PPP2R5A: variants seen among roughly 807,000 people sequenced by gnomAD.
The protein encoded by PPP2R5A is serine/threonine-protein phosphatase 2A 56 kDa regulatory subunit alpha isoform.
PPP2R5A carries 25 observed loss-of-function variants against 64.2 expected under a neutral mutation model. That is an observed-to-expected ratio of 0.39 (90% CI 0.28 to 0.54). The LOEUF (loss-of-function observed/expected upper bound fraction) is 0.54. Among genes scored for constraint, PPP2R5A ranks in the 20% least tolerant of loss-of-function variants. The pLI is 0.67. For missense variants in PPP2R5A, 425 were observed against 576.3 expected (o/e 0.74, Z 2.69); for synonymous variants, 198 against 201.2 (o/e 0.98, Z 0.13).
At chr1:212,288,077 C>A (rs1571569543) in intron 1 of PPP2R5A, among the ~76,000 whole-genome samples, 1 of 152,154 alleles carries the variant, frequency 6.6e-6, no homozygotes. Flanking sequence ...AGTGCAATGG[C>A]GCGATCTCAG....
intron 3 of PPP2R5A, among the ~76,000 whole-genome samples, chr1:212,340,084 G>A (rs1302104582): frequency 8.0e-5 from 12 of 150,262 alleles, no homozygotes; most frequent in Admixed American, 8.0e-4. Flanking sequence ...GCTTGAGCCT[G>A]GGAGTTCGAG....
At chr1:212,343,220 T>A (rs2102441459) in intron 4 of PPP2R5A, among the ~76,000 whole-genome samples, 1 of 152,314 alleles carries the variant, frequency 6.6e-6, no homozygotes, top group African/African-American at 2.4e-5. Flanking sequence ...CCTAAAGAGC[T>A]AGGATTACAG....
chr1:212,341,836 TC>T (rs1659691080), intron 3 of PPP2R5A, among the ~76,000 whole-genome samples: 1 of 152,010 alleles, frequency 6.6e-6, no homozygotes, highest in African/African-American at 2.4e-5. Flanking sequence ...ACCTCCAGAC[TC>T]AAGCAGTCTT....
intron 1 of PPP2R5A, among the ~76,000 whole-genome samples, chr1:212,321,363 G>A (rs1246675136): frequency 1.3e-5 from 2 of 151,456 alleles, no homozygotes; most frequent in Non-Finnish European, 3.0e-5. Flanking sequence ...TGGCCGGGCG[G>A]GGGGCTGACC....
intron 3 of PPP2R5A, among the ~76,000 whole-genome samples, chr1:212,338,476 G>A (rs1282008763): frequency 2.0e-5 from 3 of 152,080 alleles, no homozygotes; most frequent in African/African-American, 7.2e-5. Context: ...AAGGCTGGGC[G>A]CAGTGGCTCA....
At chr1:212,326,940 T>A (rs1571596009) in intron 1 of PPP2R5A, among the ~76,000 whole-genome samples, 1 of 152,360 alleles carries the variant, frequency 6.6e-6, no homozygotes, top group East Asian at 1.9e-4. Context: ...GAAAAGAATG[T>A]GCCTTATGTC....
chr1:212,304,379 C>T lies in PPP2R5A; in HGVS notation c.181+18088C>T, dbSNP rs370039803. Among the ~76,000 whole-genome samples, 7 of 152,168 alleles carry T rather than the reference C, an allele frequency of 4.6e-5. No homozygotes were observed. In the East Asian group the frequency reaches 9.7e-4, roughly 21 times the overall value. On this transcript the variant is annotated intron_variant, in intron 1 of 12. Coordinates refer to ENST00000261461, the MANE Select transcript of PPP2R5A (RefSeq NM_006243.4). ...TAGCCTGACCAACGTGGAGAAACCC[C>T]GTCTCTTCTTAAAATACAAAATTAG... is the stretch of plus-strand genomic sequence containing the variant.
chr1:212,312,473 T>C (rs1659057925), intron 1 of PPP2R5A, among the ~76,000 whole-genome samples: 1 of 152,234 alleles, frequency 6.6e-6, no homozygotes, highest in Non-Finnish European at 1.5e-5. Context: ...ACATAACTTC[T>C]ATCAGTTTCC....
intron 4 of PPP2R5A, 58 bp downstream of exon 4, chr1:212,342,338 CTTA>C (rs1046603153): frequency 1.7e-5 from 27 of 1,559,906 alleles, no homozygotes; most frequent in East Asian, 2.3e-5. Context: ...GATTTATTAA[CTTA>C]TTATTAAAAT....
chr1:212,318,876 C>T (rs1335534548), intron 1 of PPP2R5A, among the ~76,000 whole-genome samples: 1 of 152,146 alleles, frequency 6.6e-6, no homozygotes, highest in African/African-American at 2.4e-5. Context: ...AATGCAAATA[C>T]TAGACCATTT....
intron 1 of PPP2R5A, among the ~76,000 whole-genome samples, chr1:212,313,484 A>G (rs1268436077): frequency 8.0e-5 from 12 of 150,826 alleles, no homozygotes; most frequent in Admixed American, 6.6e-4. Context: ...TTTTTTTCCT[A>G]TAGATTTTGG....
intron 3 of PPP2R5A, among the ~76,000 whole-genome samples, chr1:212,334,714 GTCT>G (rs1659561448): frequency 6.6e-6 from 1 of 152,064 alleles, no homozygotes; most frequent in African/African-American, 2.4e-5. Context: ...CATCCCATTT[GTCT>G]TCTTACGTCC....
intron 8 of PPP2R5A, among the ~76,000 whole-genome samples, chr1:212,353,329 C>T (rs1433664800): frequency 2.6e-5 from 4 of 152,184 alleles, no homozygotes; most frequent in Non-Finnish European, 5.9e-5. Context: ...CATGAAGTGA[C>T]ATTCTTTCAC....
intron 1 of PPP2R5A, chr1:212,319,546 G>T (rs1048862253): frequency 6.6e-6 from 1 of 152,008 alleles, no homozygotes; most frequent in African/African-American, 2.4e-5. Context: ...GAAGAATAAA[G>T]TGGCCAGTGC....
intron 3 of PPP2R5A, among the ~76,000 whole-genome samples, chr1:212,335,651 A>C (rs1350627616): frequency 6.6e-6 from 1 of 152,206 alleles, no homozygotes; most frequent in Non-Finnish European, 1.5e-5. Context: ...AATGGTTTTA[A>C]GATCTTTCAG....
At chr1:212,300,873 T>TA (rs1211240648) in intron 1 of PPP2R5A, among the ~76,000 whole-genome samples, 1 of 151,982 alleles carries the variant, frequency 6.6e-6, no homozygotes, top group African/African-American at 2.4e-5. Context: ...TGTGCCGTTT[T>TA]AAAAAATATA....
In PPP2R5A at chr1:212,302,149, A is replaced by G. The variant is rs1361733866; in HGVS notation, c.181+15858A>G. The G allele has an allele frequency of 2.8e-6, 4 of 1,416,828 alleles. No homozygotes were observed. In the African/African-American group the frequency reaches 4.3e-5, roughly 15 times the overall value. The allele number at this position is 1,416,828 out of a possible 1,614,324, so 87.8% of individuals were successfully genotyped here. On this transcript the variant is annotated intron_variant, in intron 1 of 12. Transcript: ENST00000261461. ...GGTATTTGAAATCTTGAGGAGAGAA[A>G]TGAATAGAGACTAGATTTTCTGGGA...
intron 4 of PPP2R5A, among the ~76,000 whole-genome samples, chr1:212,345,347 G>C: frequency 6.6e-6 from 1 of 152,050 alleles, no homozygotes; most frequent in East Asian, 1.9e-4. Flanking sequence ...CTTAGTATAT[G>C]TACATCTTTC....
intron 1 of PPP2R5A, chr1:212,297,484 T>C (rs1313864559): frequency 2.0e-5 from 3 of 152,164 alleles, no homozygotes; most frequent in Non-Finnish European, 4.4e-5. Context: ...TTGTAGAAGC[T>C]GAATGAGTAA....
Sources: allele counts gnomAD v4.1 joint callset (sites outside exome capture counted in the v4.1 genomes callset), GRCh38; gene constraint gnomAD v4.1.1; transcripts MANE v1.5; gene names NCBI Gene and HGNC (gene_info 2026-07-23, HGNC 2026-07-21).